COL28A1: variants seen among roughly 807,000 people sequenced by gnomAD.
The protein encoded by COL28A1 is collagen type XXVIII alpha 1 chain.
Under a neutral mutation model 150.2 loss-of-function variants are expected in COL28A1, and 161 were observed. That is an observed-to-expected ratio of 1.07 (90% CI 0.94 to 1.22). The LOEUF (loss-of-function observed/expected upper bound fraction) is 1.22. Ranked by LOEUF, COL28A1 falls within the 50% of genes most tolerant of loss-of-function variation. The pLI, the probability that COL28A1 is intolerant of heterozygous loss-of-function variation, is 0.00. For synonymous variants in COL28A1, 552 were observed against 469.7 expected (o/e 1.18, Z -2.26); for missense variants, 1,617 against 1,388.3 (o/e 1.16, Z -2.62).
rs377392380 is a variant in COL28A1 at position 7,522,780 on chromosome 7, C to T, written c.703-819G>A. On this transcript the variant is annotated intron_variant, in intron 4 of 34. Coordinates refer to ENST00000399429, the MANE Select transcript of COL28A1 (RefSeq NM_001037763.3). ...ATTGCCTTGGGCCACGCATAAAATACACTAACACTAACGATAGCTGAAGAG... is the reference window on the plus strand; with the variant it reads ...ATTGCCTTGGGCCACGCATAAAATATACTAACACTAACGATAGCTGAAGAG... Among the ~76,000 whole-genome samples the T allele has an allele frequency of 1.7e-4, 20 of 116,946 alleles. No homozygotes were observed. In the East Asian group the frequency reaches 2.7e-3, roughly 16 times the overall value. 76.7% of individuals were successfully genotyped at this position (116,946 alleles called of 152,430 possible). A position where few individuals can be genotyped will look rare whatever the true frequency, so the allele number is the denominator to read the frequency against.
chr7:7,423,488 CAGGT>C, intron 25 of COL28A1, among the ~76,000 whole-genome samples: 1 of 152,196 alleles, frequency 6.6e-6, no homozygotes, highest in East Asian at 1.9e-4. Flanking sequence ...GAGGAGCACA[CAGGT>C]AGATTCAACA....
At chr7:7,414,945 A>T (rs1270860091) in intron 27 of COL28A1, among the ~76,000 whole-genome samples, 1 of 152,202 alleles carries the variant, frequency 6.6e-6, no homozygotes, top group East Asian at 1.9e-4. Context: ...TTCCATGAGG[A>T]CTAAGTTCAC....
At chr7:7,374,599 T>A (rs1781448326) in intron 31 of COL28A1, among the ~76,000 whole-genome samples, 1 of 152,194 alleles carries the variant, frequency 6.6e-6, no homozygotes, top group African/African-American at 2.4e-5. Flanking sequence ...GCCAGAGTCA[T>A]CAGGAAATAT....
At chr7:7,497,353 T>C (rs997485691) in intron 11 of COL28A1, among the ~76,000 whole-genome samples, 10 of 152,244 alleles carry the variant, frequency 6.6e-5, no homozygotes, top group Non-Finnish European at 1.2e-4. Context: ...CTGCTCTATG[T>C]GACTGACGTG....
Position 7,358,543 on chromosome 7 carries a change from C to T in COL28A1, c.*90G>A. 8.5e-7 allele frequency: 1 copy of T among 1,172,224 alleles called. No homozygotes were observed. The highest frequency in any genetic ancestry group is 1.2e-6 in the Non-Finnish European group (1 of 804,716). The allele number at this position is 1,172,224 out of a possible 1,614,324, so 72.6% of individuals were successfully genotyped here. The stretch of plus-strand genomic sequence containing the variant: ...GTATAAGTTGTAAATACTCAGTATA[C>T]ACTCAAATATAGTGCTGTATTTGTA... On this transcript the variant is annotated 3_prime_UTR_variant, in exon 35 of 35. Coordinates refer to ENST00000399429, the MANE Select transcript of COL28A1 (RefSeq NM_001037763.3).
intron 32 of COL28A1, among the ~76,000 whole-genome samples, chr7:7,371,864 G>A (rs1440729153): frequency 5.3e-5 from 8 of 151,838 alleles, no homozygotes; most frequent in South Asian, 2.1e-4. Flanking sequence ...ACAGAGTCTC[G>A]CTCTGTCGCC....
chr7:7,407,792 T>A (rs867406071), intron 27 of COL28A1, among the ~76,000 whole-genome samples: 25 of 152,158 alleles, frequency 1.6e-4, no homozygotes, highest in Middle Eastern at 3.4e-3. Context: ...AGTGACTATA[T>A]CCAAAAATAA....
chr7:7,453,059 C>A (rs941883004), intron 17 of COL28A1, among the ~76,000 whole-genome samples: 1 of 152,116 alleles, frequency 6.6e-6, no homozygotes, highest in Admixed American at 6.6e-5. Flanking sequence ...ATTTCTGACC[C>A]CATCTCTTTA....
intron 33 of COL28A1, among the ~76,000 whole-genome samples, chr7:7,369,183 T>C (rs143687674): frequency 4.1e-4 from 62 of 152,188 alleles, no homozygotes; most frequent in African/African-American, 1.1e-3. Context: ...AGGGACAAAG[T>C]GGTAAGTCAC....
chr7:7,490,521 C>T lies in COL28A1; in HGVS notation c.1095+57G>A, dbSNP rs150256251. Reference sequence around the variant, plus strand: ...AAATGGAGTTCAAATCATGGCTCCCCCAGGCCCTACAATAAATTCAACAGT... The same window carrying T: ...AAATGGAGTTCAAATCATGGCTCCCTCAGGCCCTACAATAAATTCAACAGT... On this transcript the variant is annotated intron_variant, in intron 12 of 34. Coordinates refer to ENST00000399429, the MANE Select transcript of COL28A1 (RefSeq NM_001037763.3). 4.9e-5 allele frequency: 40 copies of T among 823,144 alleles called. No individual in the cohort carries two copies. The East Asian group carries it at 9.5e-4, about 20-fold the overall frequency. The allele number at this position is 823,144 out of a possible 1,614,324, so 51.0% of individuals were successfully genotyped here.
At position 7,535,836 on chromosome 7, in the gene COL28A1, T is replaced by C. The variant is rs781633246; in HGVS notation, c.-124A>G. ...GTGGTTGGGGGTGAAGTTAGCTATTTGATATTGTTCTGTTCTGTGGGAAAT... is the reference window on the plus strand; with the variant it reads ...GTGGTTGGGGGTGAAGTTAGCTATTCGATATTGTTCTGTTCTGTGGGAAAT... On this transcript the variant is annotated 5_prime_UTR_variant, in exon 1 of 35. Coordinates refer to ENST00000399429, the MANE Select transcript of COL28A1 (RefSeq NM_001037763.3). 1 of 152,208 alleles carries C rather than the reference T, an allele frequency of 6.6e-6. No homozygotes were observed. The highest frequency in any genetic ancestry group is 1.9e-4 in the East Asian group (1 of 5,204). 9.4% of individuals were successfully genotyped at this position (152,208 alleles called of 1,614,324 possible). A position where few individuals can be genotyped will look rare whatever the true frequency, so the allele number is the denominator to read the frequency against.
intron 25 of COL28A1, among the ~76,000 whole-genome samples, chr7:7,426,025 C>T (rs950715340): frequency 3.9e-5 from 6 of 152,154 alleles, no homozygotes; most frequent in Non-Finnish European, 5.9e-5. Context: ...TAAGTTGCTG[C>T]CACTCTTTGA....
intron 27 of COL28A1, among the ~76,000 whole-genome samples, chr7:7,400,651 C>A (rs941895533): frequency 6.6e-6 from 1 of 151,266 alleles, no homozygotes; most frequent in African/African-American, 2.4e-5. Flanking sequence ...TGGATTGTTT[C>A]CAGCAGCATA....
At chr7:7,361,670 C>T (rs1357767417) in intron 33 of COL28A1, among the ~76,000 whole-genome samples, 2 of 152,142 alleles carry the variant, frequency 1.3e-5, no homozygotes, top group African/African-American at 4.8e-5. Flanking sequence ...ATCCTTCGCC[C>T]ATTTTTTGAT....
chr7:7,474,154 A>T (rs1014621209), intron 15 of COL28A1, among the ~76,000 whole-genome samples: 1 of 151,166 alleles, frequency 6.6e-6, no homozygotes, highest in Non-Finnish European at 1.5e-5. Context: ...CCTGAATGAG[A>T]TTGGAGACTA....
chr7:7,493,149 A>C (rs1427261301), intron 11 of COL28A1, among the ~76,000 whole-genome samples: 2 of 151,364 alleles, frequency 1.3e-5, no homozygotes, highest in Middle Eastern at 3.2e-3. Flanking sequence ...TAACAATACA[A>C]GGCCCTAAAT....
chr7:7,347,168 T>G, the COL28A1 span, among the ~76,000 whole-genome samples: 2 of 152,086 alleles, frequency 1.3e-5, no homozygotes, highest in Non-Finnish European at 2.9e-5. Flanking sequence ...AATTAGTATT[T>G]GGCCATACCA....
Position 7,531,328 on chromosome 7 carries a change from T to C in COL28A1, c.681+20A>G, listed in dbSNP as rs17168516. On this transcript the variant is annotated intron_variant, in intron 3 of 34. Transcript: ENST00000399429. The stretch of plus-strand genomic sequence containing the variant: ...CAATATTATGATGATAACTGTATAA[T>C]CAACCCATTAGGTACCTACCAGACG... 13 of 1,049,860 alleles carry C rather than the reference T, an allele frequency of 1.2e-5. No homozygotes were observed. Among genetic ancestry groups the C allele is most frequent in the Admixed American group, 4.5e-5 (2 of 44,500 alleles). 65.0% of individuals were successfully genotyped at this position (1,049,860 alleles called of 1,614,324 possible). A position where few individuals can be genotyped will look rare whatever the true frequency, so the allele number is the denominator to read the frequency against.
rs143050918 is a variant in COL28A1 at position 7,494,734 on chromosome 7, C to A, written c.1027-4088G>T. On this transcript the variant is annotated intron_variant, in intron 11 of 34. Coordinates refer to ENST00000399429, the MANE Select transcript of COL28A1 (RefSeq NM_001037763.3). ...GAAGCTTACAATCTGGCTGGAGAGA[C>A]AAATCAATATAAAATAAAATACAAG... Among the ~76,000 whole-genome samples the A allele has an allele frequency of 2.5e-3, 385 of 152,034 alleles. 4 individuals carry two copies. The highest frequency in any genetic ancestry group is 0.013 in the South Asian group (64 of 4,824).
Sources: gnomAD v4.1 joint callset for allele counts (sites outside exome capture counted in the v4.1 genomes callset) on GRCh38, gnomAD v4.1.1 for gene constraint, MANE v1.5 for transcripts, NCBI Gene and HGNC (gene_info 2026-07-23, HGNC 2026-07-21) for gene names.